The following PDXDC1 variants were observed in gnomAD, a reference collection of about 807,000 sequenced individuals.
PDXDC1 encodes pyridoxal dependent decarboxylase domain containing 1, also known as pyridoxal-dependent decarboxylase domain-containing protein 1.
Under a neutral mutation model 100.1 loss-of-function variants are expected in PDXDC1, and 42 were observed. The ratio of observed to expected loss-of-function variants is 0.42; its 90% CI spans 0.33 to 0.54. PDXDC1 has a LOEUF of 0.54. Ranked by LOEUF, PDXDC1 falls within the 20% of genes least tolerant of loss-of-function variation. PDXDC1 has a pLI of 0.10. For synonymous variants in PDXDC1, 260 were observed against 371.7 expected (o/e 0.70, Z 3.46); for missense variants, 636 against 979.2 (o/e 0.65, Z 4.68).
intron 8 of PDXDC1, among the ~76,000 whole-genome samples, chr16:15,011,452 G>A (rs1005705086): frequency 6.6e-6 from 1 of 152,264 alleles, no homozygotes; most frequent in African/African-American, 2.4e-5. Context: ...ACAATAAAAT[G>A]TCTCAAAGAA....
At chr16:15,052,154 C>G (rs528923816) in intron 16 of PDXDC1, among the ~76,000 whole-genome samples, 4 of 152,298 alleles carry the variant, frequency 2.6e-5, no homozygotes, top group Admixed American at 2.6e-4. Flanking sequence ...AGGCCGCAGT[C>G]TCTGTCACAA....
intron 16 of PDXDC1, among the ~76,000 whole-genome samples, chr16:15,052,350 T>G: frequency 6.6e-6 from 1 of 152,368 alleles, no homozygotes; most frequent in East Asian, 1.9e-4. Flanking sequence ...TCTTGGCCTA[T>G]AGGCTATACA....
the PDXDC1 span, among the ~76,000 whole-genome samples, chr16:15,147,784 G>A: frequency 6.6e-6 from 1 of 152,084 alleles, no homozygotes; most frequent in Non-Finnish European, 1.5e-5. Context: ...CGCCTCCCGG[G>A]TTCAAGTGAT....
At chr16:15,001,293 A>G (rs563469056) in intron 3 of PDXDC1, among the ~76,000 whole-genome samples, 1 of 152,256 alleles carries the variant, frequency 6.6e-6, no homozygotes, top group Admixed American at 6.5e-5. Context: ...GTTGAAGACC[A>G]GTCTGGCCAA....
intron 16 of PDXDC1, among the ~76,000 whole-genome samples, chr16:15,088,242 G>A (rs1348458403): frequency 6.6e-6 from 1 of 152,154 alleles, no homozygotes; most frequent in Non-Finnish European, 1.5e-5. Context: ...GGGAGGCCAA[G>A]GCAGGAGGAG....
downstream of PDXDC1, among the ~76,000 whole-genome samples, chr16:15,042,396 G>A (rs531390913): frequency 2.0e-5 from 3 of 151,934 alleles, no homozygotes; most frequent in South Asian, 4.2e-4. Context: ...CACCATGTTG[G>A]CCAGGCTGGT....
intron 16 of PDXDC1, among the ~76,000 whole-genome samples, chr16:15,056,241 G>A (rs1043206481): frequency 6.6e-6 from 1 of 152,258 alleles, no homozygotes; most frequent in Non-Finnish European, 1.5e-5. Flanking sequence ...CGCCTCCTCC[G>A]CAAGGGGCGC....
intron 16 of PDXDC1, among the ~76,000 whole-genome samples, chr16:15,095,662 G>A (rs1330865449): frequency 2.0e-5 from 3 of 152,064 alleles, no homozygotes; most frequent in Admixed American, 6.5e-5. Flanking sequence ...GACCAGCCTG[G>A]CCAACATGAC....
intron 16 of PDXDC1, among the ~76,000 whole-genome samples, chr16:15,091,815 A>G (rs2046140097): frequency 6.6e-6 from 1 of 152,150 alleles, no homozygotes. Flanking sequence ...ACTACCACAA[A>G]AACAAAAATC....
intron 14 of PDXDC1, among the ~76,000 whole-genome samples, chr16:15,027,273 T>C (rs1425301308): frequency 6.6e-6 from 1 of 152,282 alleles, no homozygotes; most frequent in East Asian, 1.9e-4. Flanking sequence ...GCTTCTTCAG[T>C]GCCCCGCTGC....
At position 15,038,263 on chromosome 16, in the gene PDXDC1, T is replaced by C. The variant is rs912258027; in HGVS notation, c.*1988T>C. 5.5e-6 allele frequency: 7 copies of C among 1,268,698 alleles called. No homozygotes were observed. In the African/African-American group the frequency reaches 1.0e-4, roughly 19 times the overall value. 78.6% of individuals were successfully genotyped at this position (1,268,698 alleles called of 1,614,324 possible). ...AGAAGCCAACCTTACTGTCCCCTGCTGTGATAAAGATGTCAAAGTATCTTT... is the reference window on the plus strand; with the variant it reads ...AGAAGCCAACCTTACTGTCCCCTGCCGTGATAAAGATGTCAAAGTATCTTT... On this transcript the variant is annotated 3_prime_UTR_variant, in exon 23 of 23. Coordinates refer to ENST00000396410, the MANE Select transcript of PDXDC1 (RefSeq NM_015027.4).
chr16:15,135,077 G>A (rs1307264240), intron 16 of PDXDC1: 7 of 587,890 alleles, frequency 1.2e-5, no homozygotes, highest in East Asian at 2.9e-5. Flanking sequence ...TAGAGCATAT[G>A]TGGCTTGAAG....
At chr16:15,018,029 C>A (rs1349634742) in intron 11 of PDXDC1, among the ~76,000 whole-genome samples, 1 of 152,004 alleles carries the variant, frequency 6.6e-6, no homozygotes. Context: ...CTCAGGTGAT[C>A]TGCCTGCCTC....
downstream of PDXDC1, among the ~76,000 whole-genome samples, chr16:15,042,263 G>A (rs549119306): frequency 4.1e-5 from 6 of 147,586 alleles, no homozygotes; most frequent in South Asian, 2.1e-4. Context: ...TCTGCTCATC[G>A]CAGTCTCCAC....
intron 16 of PDXDC1, chr16:15,132,964 C>T (rs2048180832): frequency 1.6e-5 from 25 of 1,561,126 alleles, no homozygotes; most frequent in Middle Eastern, 4.6e-4. Flanking sequence ...GGTGCAGTTA[C>T]GTGCTAGATG....
intron 6 of PDXDC1, among the ~76,000 whole-genome samples, chr16:15,007,630 A>G (rs2040895960): frequency 6.6e-6 from 1 of 152,250 alleles, no homozygotes; most frequent in African/African-American, 2.4e-5. Context: ...TCCCAGGGGG[A>G]TGTATGGGAG....
chr16:15,065,647 T>C (rs1257443927), intron 16 of PDXDC1, among the ~76,000 whole-genome samples: 1 of 152,252 alleles, frequency 6.6e-6, no homozygotes, highest in African/African-American at 2.4e-5. Flanking sequence ...TATTATTCAT[T>C]ATATTTTAAT....
intron 16 of PDXDC1, chr16:15,080,179 C>A (rs1340009127): frequency 1.4e-6 from 2 of 1,467,594 alleles, no homozygotes; most frequent in African/African-American, 2.9e-5. Flanking sequence ...AATTACATGA[C>A]CTTTAGTTTC....
intron 16 of PDXDC1, among the ~76,000 whole-genome samples, chr16:15,103,526 C>G (rs2046643150): frequency 6.6e-6 from 1 of 151,804 alleles, no homozygotes; most frequent in African/African-American, 2.4e-5. Context: ...TTTTTTGAGT[C>G]AGAGTCTCGC....
Sources: gnomAD v4.1 joint callset for allele counts (sites outside exome capture counted in the v4.1 genomes callset) on GRCh38, gnomAD v4.1.1 for gene constraint, MANE v1.5 for transcripts, NCBI Gene and HGNC (gene_info 2026-07-23, HGNC 2026-07-21) for gene names.